Variants in NUP188 observed in about 807,000 individuals in gnomAD.
The protein encoded by NUP188 is nucleoporin NUP188.
NUP188 carries 97 observed loss-of-function variants against 223.0 expected under a neutral mutation model. The observed-to-expected ratio is 0.43, with a 90% CI of 0.37 to 0.51. NUP188 has a LOEUF of 0.51. Among genes scored for constraint, NUP188 ranks in the 20% least tolerant of loss-of-function variants. The pLI is 0.00. For missense variants in NUP188, 1,947 were observed against 2,175.6 expected, an observed-to-expected ratio of 0.89 and a Z score of 2.09; for synonymous variants, 869 against 828.0, an observed-to-expected ratio of 1.05 and a Z score of -0.85.
intron 3 of NUP188, among the ~76,000 whole-genome samples, chr9:128,955,113 A>G (rs1841850717): frequency 6.6e-6 from 1 of 151,886 alleles, no homozygotes; most frequent in Non-Finnish European, 1.5e-5. Context: ...AGCCTCCCAA[A>G]GTGCTGGGAT....
rs1220636320 is a variant in NUP188, at chr9:128,986,532, A to C, written c.2077-26A>C. The C allele has an allele frequency of 5.6e-6, 9 of 1,606,022 alleles. No homozygotes were observed. In the Admixed American group the frequency reaches 1.5e-4, roughly 27 times the overall value. On this transcript the variant is annotated intron_variant, in intron 20 of 43. Transcript: ENST00000372577. ...AATGACTTTTCCTTAAATGTGCGGA[A>C]GTCCTCACTGCATGGTTTCTTGTAG... is the stretch of plus-strand genomic sequence containing the variant.
intron 38 of NUP188, 189 bp downstream of exon 38, chr9:129,003,643 C>G (rs764812181): frequency 1.4e-6 from 1 of 724,352 alleles, no homozygotes; most frequent in Non-Finnish European, 2.4e-6. Context: ...TCAAGGGCAG[C>G]CATGTAGGTT....
chr9:128,974,416 G>C (rs1842144440), intron 12 of NUP188, among the ~76,000 whole-genome samples: 1 of 134,168 alleles, frequency 7.5e-6, no homozygotes, highest in Admixed American at 7.7e-5. Context: ...TTTTGAGACA[G>C]GGTCTCACTG....
chr9:129,003,642 G>T (rs1842719236), intron 38 of NUP188, 188 bp downstream of exon 38: 1 of 728,650 alleles, frequency 1.4e-6, no homozygotes, highest in African/African-American at 1.7e-5. Flanking sequence ...GTCAAGGGCA[G>T]CCATGTAGGT....
At chr9:128,987,494 G>A in intron 22 of NUP188, 95 bp from the exon 23 acceptor site, 7 of 1,277,946 alleles carry the variant, frequency 5.5e-6, no homozygotes, top group Non-Finnish European at 7.5e-6. Flanking sequence ...TGTCCAGTAG[G>A]TTAGGTTAGC....
intron 38 of NUP188, chr9:129,004,707 T>C (rs1203433591): frequency 6.0e-6 from 1 of 165,504 alleles, no homozygotes; most frequent in African/African-American, 2.4e-5. Context: ...GGTTTCACCG[T>C]GTTAGCCAGG....
chr9:128,949,986 G>A lies in NUP188; in HGVS notation c.87+743G>A, dbSNP rs183340718. Reference sequence around the variant, plus strand: ...TCCCAGGCTGGAGTGTAAGTAGCTCGATCTTGGCTCACTTCAACCTCTGCC... The same window carrying A: ...TCCCAGGCTGGAGTGTAAGTAGCTCAATCTTGGCTCACTTCAACCTCTGCC... On this transcript the variant is annotated intron_variant, in intron 2 of 43. Coordinates refer to ENST00000372577, the MANE Select transcript of NUP188 (RefSeq NM_015354.3). 5.7e-5 allele frequency among the ~76,000 whole-genome samples: 8 copies of A among 140,158 alleles called. 1 individual carries two copies. The highest frequency in any genetic ancestry group is 1.9e-4 in the African/African-American group (7 of 36,710). 91.9% of individuals were successfully genotyped at this position (140,158 alleles called of 152,430 possible).
intron 13 of NUP188, among the ~76,000 whole-genome samples, chr9:128,980,175 C>CT: frequency 6.6e-6 from 1 of 152,274 alleles, no homozygotes; most frequent in South Asian, 2.1e-4. Context: ...ATTTTACCCT[C>CT]TTTTTTGTAA....
In NUP188 at chr9:129,001,940, G is replaced by T. The variant is rs746299961; in HGVS notation, c.4101G>T (p.Leu1367=). 39 of 1,614,076 alleles carry T rather than the reference G, an allele frequency of 2.4e-5. No individual in the cohort carries two copies. The highest frequency in any genetic ancestry group is 4.0e-5 in the African/African-American group (3 of 74,922). The change falls in exon 36 of 44, where the codon CTG becomes CTT. Residue 1367 remains leucine (L), a synonymous_variant. Transcript: ENST00000372577. ...CCCAGAGCATTTGTTTGCCCCTTCT[G>T]AGTGTGTACCAGCTGAGCACCAACG... ...GITQSICLPL[L]SVYQLSTNGT...
intron 38 of NUP188, chr9:129,003,997 C>G: frequency 9.7e-6 from 2 of 206,568 alleles, no homozygotes; most frequent in Non-Finnish European, 1.9e-5. Flanking sequence ...AAAAAAATGG[C>G]CGGGTGCAAT....
chr9:128,995,452 T>C lies in NUP188; in HGVS notation c.3289T>C (p.Leu1097=). The part of the protein sequence containing the change: ...AETEGSSCTS[L]LEYQMLVSAW... ...AACAGAAGGCAGCAGCTGCACCTCC[T>C]TGTTAGAGTACCAGATGCTGGTGTC... The change falls in exon 30 of 44, where the codon TTG becomes CTG. Residue 1097 remains leucine, a synonymous_variant. Coordinates refer to ENST00000372577, the MANE Select transcript of NUP188 (RefSeq NM_015354.3). 1 of 1,613,498 alleles carries C rather than the reference T, an allele frequency of 6.2e-7. No homozygotes were observed. Among genetic ancestry groups the C allele is most frequent in the Admixed American group, 1.7e-5 (1 of 59,922 alleles).
chr9:128,983,318 G>A lies in NUP188; in HGVS notation c.1822G>A (p.Val608Met), dbSNP rs764909492. ...GTTAACGACAGTGATCTCCCCACCT[G>A]TGGATGTCATTGCTTCTTGTGTCAA... ...QRLTTVISPP[V>M]DVIASCVNCL... Residue 608 changes from valine to methionine, a missense_variant, in exon 18 of 44, where the codon GTG becomes ATG. Physicochemically the swap from Val to Met is conservative, Grantham distance 21 (BLOSUM62 1). This residue lies in a region of NUP188 where 817 missense variants were observed against 865.8 expected (regional missense o/e 0.94). Coordinates refer to ENST00000372577, the MANE Select transcript of NUP188 (RefSeq NM_015354.3). The A allele has an allele frequency of 3.7e-6, 6 of 1,614,138 alleles. No individual in the cohort carries two copies. The highest frequency in any genetic ancestry group is 1.3e-5 in the African/African-American group (1 of 75,046).
At chr9:129,005,254 C>T (rs997653723) in intron 39 of NUP188, 33 bp downstream of exon 39, 3 of 1,612,872 alleles carry the variant, frequency 1.9e-6, no homozygotes, top group South Asian at 2.2e-5. Context: ...TCCTGGAATA[C>T]CTCACGCTAG....
chr9:128,971,100 A>G, intron 11 of NUP188, 142 bp downstream of exon 11: 1 of 672,742 alleles, frequency 1.5e-6, no homozygotes, highest in Non-Finnish European at 2.7e-6. Flanking sequence ...ATCAGGCATT[A>G]TTTATAATGT....
chr9:128,963,548 G>A (rs1841984042), intron 8 of NUP188, among the ~76,000 whole-genome samples: 1 of 151,844 alleles, frequency 6.6e-6, no homozygotes, highest in African/African-American at 2.4e-5. Context: ...TTTATCCATA[G>A]TGGCTATACC....
chr9:128,969,726 T>G (rs1842080602), intron 10 of NUP188, among the ~76,000 whole-genome samples: 2 of 152,214 alleles, frequency 1.3e-5, no homozygotes, highest in South Asian at 4.1e-4. Context: ...TGGTCTTGGC[T>G]CACTGCAACT....
intron 30 of NUP188, among the ~76,000 whole-genome samples, chr9:128,997,768 T>C (rs1779284400): frequency 2.0e-5 from 3 of 152,222 alleles, no homozygotes; most frequent in Admixed American, 2.0e-4. Flanking sequence ...GTCGCCAGGC[T>C]GGAGTGCAGT....
chr9:128,974,404 T>C (rs1401462482), intron 12 of NUP188, among the ~76,000 whole-genome samples: 2 of 150,546 alleles, frequency 1.3e-5, no homozygotes, highest in Non-Finnish European at 3.0e-5. Flanking sequence ...TTTTTTTTTT[T>C]TTTTTGAGAC....
intron 11 of NUP188, 59 bp from the exon 12 acceptor site, chr9:128,973,101 C>T (rs1292958024): frequency 8.4e-6 from 9 of 1,076,666 alleles, no homozygotes; most frequent in Admixed American, 5.7e-5. Flanking sequence ...AGGATTATGC[C>T]GAACCTGGGG....
Sources: gnomAD v4.1 joint callset for allele counts (sites outside exome capture counted in the v4.1 genomes callset) on GRCh38, gnomAD v4.1.1 for gene constraint, gnomAD v4.1.1 regional missense constraint, MANE v1.5 for transcripts, NCBI Gene and HGNC (gene_info 2026-07-23, HGNC 2026-07-21) for gene names.